SNTG1: variants seen among roughly 807,000 people sequenced by gnomAD.
The protein encoded by SNTG1 is gamma-1-syntrophin.
SNTG1 carries 39 observed loss-of-function variants against 74.7 expected under a neutral mutation model. The ratio of observed to expected loss-of-function variants is 0.52; its 90% CI spans 0.40 to 0.68. The LOEUF (loss-of-function observed/expected upper bound fraction) is 0.68, where lower values mean the gene tolerates loss of function less well. SNTG1 is among the 30% of genes least tolerant of loss of function. The probability of loss-of-function intolerance (pLI) is 0.00; values close to 1 mark genes in which losing one functional copy is unlikely to be tolerated. For missense variants in SNTG1, 685 were observed against 609.5 expected (o/e 1.12, Z -1.30); for synonymous variants, 254 against 217.1 (o/e 1.17, Z -1.49).
intron 12 of SNTG1, among the ~76,000 whole-genome samples, chr8:50,579,946 C>T (rs2094599543): frequency 6.6e-6 from 1 of 152,158 alleles, no homozygotes. Flanking sequence ...TTCTCCACAC[C>T]CCATAATGGT....
chr8:50,490,124 G>T (rs1256907336), intron 8 of SNTG1, among the ~76,000 whole-genome samples: 1 of 152,096 alleles, frequency 6.6e-6, no homozygotes, highest in African/African-American at 2.4e-5. Flanking sequence ...TGTTCCATTT[G>T]TCTAATTTTC....
intron 1 of SNTG1, among the ~76,000 whole-genome samples, chr8:50,041,817 C>T (rs2130820331): frequency 6.6e-6 from 1 of 152,222 alleles, no homozygotes; most frequent in South Asian, 2.1e-4. Context: ...TGAGTTTGTT[C>T]AAGAGCAAAG....
At chr8:50,284,560 C>T (rs1176347174) in intron 2 of SNTG1, among the ~76,000 whole-genome samples, 1 of 152,086 alleles carries the variant, frequency 6.6e-6, no homozygotes, top group Non-Finnish European at 1.5e-5. Flanking sequence ...TTAAGCACTT[C>T]CTTACTTCCT....
At chr8:49,992,600 T>A (rs1813796309) in intron 1 of SNTG1, among the ~76,000 whole-genome samples, 1 of 152,130 alleles carries the variant, frequency 6.6e-6, no homozygotes, top group African/African-American at 2.4e-5. Flanking sequence ...CTCCCACACA[T>A]CTGCATTGAC....
intron 8 of SNTG1, among the ~76,000 whole-genome samples, chr8:50,484,129 T>TTTCTTTCTTTCC (rs2093765685): frequency 1.7e-5 from 2 of 115,818 alleles, no homozygotes; most frequent in Non-Finnish European, 3.5e-5. Flanking sequence ...TCTTTCTTTC[T>TTTCTTTCTTTCC]TTCTTTCCTT....
chr8:50,643,826 C>G (rs1391989566), intron 13 of SNTG1: 1 of 152,356 alleles, frequency 6.6e-6, no homozygotes, highest in Non-Finnish European at 1.5e-5. Context: ...CCCTGGAGAG[C>G]CAAGAGGAGG....
chr8:49,978,631 A>G (rs1359235012), intron 1 of SNTG1, among the ~76,000 whole-genome samples: 4 of 152,162 alleles, frequency 2.6e-5, no homozygotes, highest in Non-Finnish European at 5.9e-5. Context: ...TTAATAGTCT[A>G]CCAGAAGTAT....
chr8:49,909,959 T>A (rs1269072858), upstream of SNTG1: 6 of 152,248 alleles, frequency 3.9e-5, no homozygotes, highest in Non-Finnish European at 7.3e-5. Context: ...CCCGGCTCAG[T>A]AACGTTTCTC....
chr8:50,528,028 T>C, intron 9 of SNTG1, among the ~76,000 whole-genome samples: 1 of 152,040 alleles, frequency 6.6e-6, no homozygotes, highest in Non-Finnish European at 1.5e-5. Flanking sequence ...AGCATAATTC[T>C]AGAAAGACTT....
intron 2 of SNTG1, among the ~76,000 whole-genome samples, chr8:50,241,093 T>C (rs1185689782): frequency 6.6e-6 from 1 of 152,176 alleles, no homozygotes; most frequent in Non-Finnish European, 1.5e-5. Flanking sequence ...AGAAAGACAA[T>C]TTCCTCTCAG....
chr8:50,552,929 A>G lies in SNTG1; in HGVS notation c.681-121A>G, dbSNP rs564982905. 1.2e-4 allele frequency: 140 copies of G among 1,188,930 alleles called. 2 individuals carry two copies. The East Asian group carries it at 3.4e-3, about 29-fold the overall frequency. The allele number at this position is 1,188,930 out of a possible 1,614,324, so 73.6% of individuals were successfully genotyped here. ...TGCTTATAAAGTCAGGTAACCAAATATGAATTTGGAGGCTGATATTTATAT... is the reference window on the plus strand; with the variant it reads ...TGCTTATAAAGTCAGGTAACCAAATGTGAATTTGGAGGCTGATATTTATAT... On this transcript the variant is annotated intron_variant, in intron 11 of 18. Coordinates refer to ENST00000642720, the MANE Select transcript of SNTG1 (RefSeq NM_018967.5).
intron 9 of SNTG1, among the ~76,000 whole-genome samples, chr8:50,518,295 A>G (rs538786567): frequency 1.1e-4 from 17 of 152,348 alleles, no homozygotes; most frequent in Non-Finnish European, 1.8e-4. Context: ...TGTCTGGGAC[A>G]CAGCTAAAGT....
At chr8:50,787,960 G>T (rs1301280691) in intron 18 of SNTG1, among the ~76,000 whole-genome samples, 2 of 151,974 alleles carry the variant, frequency 1.3e-5, no homozygotes, top group African/African-American at 2.4e-5. Context: ...CCGTTTACTT[G>T]CATGCTTTAA....
intron 2 of SNTG1, among the ~76,000 whole-genome samples, chr8:50,329,638 G>T (rs6995929): frequency 0.052 from 7,950 of 151,982 alleles, 243 homozygotes; most frequent in Middle Eastern, 0.12. Flanking sequence ...CAGGTCCTGG[G>T]CCTGGTCCAC....
intron 17 of SNTG1, among the ~76,000 whole-genome samples, chr8:50,728,606 G>A (rs909597157): frequency 6.6e-6 from 1 of 152,170 alleles, no homozygotes; most frequent in African/African-American, 2.4e-5. Context: ...ATTGGTGACA[G>A]ATTGAACATT....
chr8:50,130,133 A>G (rs1298833539), intron 1 of SNTG1, among the ~76,000 whole-genome samples: 1 of 152,200 alleles, frequency 6.6e-6, no homozygotes, highest in East Asian at 1.9e-4. Context: ...GAATTATTAG[A>G]TTGTCATAGC....
At chr8:50,347,178 T>C (rs1185055121) in intron 2 of SNTG1, among the ~76,000 whole-genome samples, 2 of 152,210 alleles carry the variant, frequency 1.3e-5, no homozygotes, top group Non-Finnish European at 2.9e-5. Flanking sequence ...CTGACTCTCT[T>C]GTTAGGAGCT....
In SNTG1 at chr8:50,658,986, T is replaced by C. The variant is rs145290802; in HGVS notation, c.1038+323T>C. ...TTGAAAGTAGTCTGAATTTAAACGT[T>C]GGTTGTTACCATGTTTTTTTTTTTA... is the stretch of plus-strand genomic sequence containing the variant. On this transcript the variant is annotated intron_variant, in intron 15 of 18. Transcript: ENST00000642720. Among the ~76,000 whole-genome samples the C allele has an allele frequency of 8.3e-3, 1,067 of 127,852 alleles. 17 individuals carry two copies. The highest frequency in any genetic ancestry group is 0.022 in the African/African-American group (882 of 39,768). 83.9% of individuals were successfully genotyped at this position (127,852 alleles called of 152,430 possible).
At chr8:50,330,140 A>G (rs1563906198) in intron 2 of SNTG1, among the ~76,000 whole-genome samples, 2 of 152,170 alleles carry the variant, frequency 1.3e-5, no homozygotes, top group South Asian at 2.1e-4. Flanking sequence ...AAGTAATTGA[A>G]TCATGGGGGT....
Sources: gnomAD v4.1 joint callset for allele counts (sites outside exome capture counted in the v4.1 genomes callset) on GRCh38, gnomAD v4.1.1 for gene constraint, MANE v1.5 for transcripts, NCBI Gene and HGNC (gene_info 2026-07-23, HGNC 2026-07-21) for gene names.